DTD1: variants seen among roughly 807,000 people sequenced by gnomAD.
DTD1 encodes D-aminoacyl-tRNA deacylase 1.
In DTD1, 13 loss-of-function variants were observed where a neutral mutation model predicts 25.6. The observed-to-expected ratio is 0.51, with a 90% CI of 0.33 to 0.81. DTD1 has a LOEUF of 0.81. Ranked by LOEUF, DTD1 falls within the 30% of genes least tolerant of loss-of-function variation. The pLI is 0.02. For missense variants in DTD1, 193 were observed against 266.4 expected (o/e 0.72, Z 1.92); for synonymous variants, 110 against 103.6 (o/e 1.06, Z -0.37).
At chr20:18,662,659 C>T (rs1346356482) in intron 4 of DTD1, among the ~76,000 whole-genome samples, 3 of 152,094 alleles carry the variant, frequency 2.0e-5, no homozygotes, top group South Asian at 4.1e-4. Flanking sequence ...GAATACTGTG[C>T]GCCAGTTAAA....
chr20:18,619,576 C>T (rs1396388251), intron 3 of DTD1, among the ~76,000 whole-genome samples: 1 of 151,984 alleles, frequency 6.6e-6, no homozygotes, highest in African/African-American at 2.4e-5. Flanking sequence ...AGGTGCACAC[C>T]GCCACGCCTG....
intron 4 of DTD1, among the ~76,000 whole-genome samples, chr20:18,703,387 A>G (rs954741340): frequency 6.6e-6 from 1 of 151,924 alleles, no homozygotes; most frequent in African/African-American, 2.4e-5. Flanking sequence ...CTGGTAATCT[A>G]GGTTTCTTAA....
intron 4 of DTD1, among the ~76,000 whole-genome samples, chr20:18,635,523 G>A (rs1198093122): frequency 2.6e-5 from 4 of 152,292 alleles, no homozygotes; most frequent in Admixed American, 2.6e-4. Context: ...AGTGAGTTGG[G>A]TGTAGAGATG....
intron 4 of DTD1, among the ~76,000 whole-genome samples, chr20:18,743,562 T>C (rs1254916608): frequency 2.0e-5 from 3 of 150,172 alleles, no homozygotes; most frequent in Middle Eastern, 3.2e-3. Flanking sequence ...TAGTCACAGA[T>C]ACTTGAGAGG....
chr20:18,753,436 C>T (rs542861457), intron 5 of DTD1, among the ~76,000 whole-genome samples: 37 of 151,734 alleles, frequency 2.4e-4, no homozygotes, highest in African/African-American at 7.5e-4. Context: ...GGTGAAACCC[C>T]GTCTCTACAA....
In DTD1 at chr20:18,601,128, TG is replaced by T. The variant is rs138609755; in HGVS notation, c.370+4890del. 7.9e-3 allele frequency among the ~76,000 whole-genome samples: 1,196 copies of T among 152,312 alleles called. 8 individuals are homozygous for T. Among genetic ancestry groups the T allele is most frequent in the Middle Eastern group, 0.014 (4 of 294 alleles). On this transcript the variant is annotated intron_variant, in intron 3 of 5. Transcript: ENST00000377452. ...ATCCTTGGCTTATTTCTGCTCTTAG[TG>T]GGAAAGCTTCTAGTTTCCCACTGTT...
intron 4 of DTD1, among the ~76,000 whole-genome samples, chr20:18,687,962 C>T (rs1171630701): frequency 6.6e-6 from 1 of 152,218 alleles, no homozygotes; most frequent in Non-Finnish European, 1.5e-5. Flanking sequence ...AGCAAGGTAT[C>T]ATCGCATCCC....
chr20:18,753,782 G>A (rs140311529), intron 5 of DTD1, among the ~76,000 whole-genome samples: 186 of 152,098 alleles, frequency 1.2e-3, no homozygotes, highest in African/African-American at 4.4e-3. Flanking sequence ...ATTGCATTAA[G>A]CTTTCCATTC....
chr20:18,656,214 A>G (rs1298300984), intron 4 of DTD1, among the ~76,000 whole-genome samples: 2 of 152,222 alleles, frequency 1.3e-5, no homozygotes, highest in Admixed American at 1.3e-4. Context: ...TTTCTTCTCT[A>G]CAAATATTTT....
intron 4 of DTD1, among the ~76,000 whole-genome samples, chr20:18,636,530 G>A (rs938810430): frequency 6.6e-6 from 1 of 152,214 alleles, no homozygotes; most frequent in Non-Finnish European, 1.5e-5. Flanking sequence ...TCTACACAGA[G>A]GTGTTTGCCA....
intron 4 of DTD1, among the ~76,000 whole-genome samples, chr20:18,695,548 T>C: frequency 2.7e-5 from 1 of 37,650 alleles, no homozygotes; most frequent in Non-Finnish European, 5.5e-5. Context: ...TCCCTTCCCT[T>C]CCCTTCCCTT....
In DTD1 at chr20:18,708,231, TTTATATATATATA is replaced by T. The variant is rs2061136998; in HGVS notation, c.478-35868_478-35856del. Among the ~76,000 whole-genome samples the T allele has an allele frequency of 3.9e-4, 6 of 15,394 alleles. 1 individual carries two copies. Among genetic ancestry groups the T allele is most frequent in the Admixed American group, 2.7e-3 (3 of 1,098 alleles). 10.1% of individuals were successfully genotyped at this position (15,394 alleles called of 152,430 possible). ...TTTTATATATATAATATATATATAT[TTTATATATATATA>T]ATATATATTATATATATATTTTATA... On this transcript the variant is annotated intron_variant, in intron 4 of 5. Coordinates refer to ENST00000377452, the MANE Select transcript of DTD1 (RefSeq NM_080820.6).
chr20:18,695,567 CTCCAT>C (rs1444852152), intron 4 of DTD1, among the ~76,000 whole-genome samples: 480 of 8,036 alleles, frequency 0.06, no homozygotes, highest in Non-Finnish European at 0.11. Flanking sequence ...TTCTCTTCCC[CTCCAT>C]TCCCCTCCCC....
At chr20:18,632,513 G>T in intron 4 of DTD1, 1 of 985,392 alleles carries the variant, frequency 1.0e-6, no homozygotes, top group Non-Finnish European at 1.2e-6. Context: ...TAGCTAATTT[G>T]CTTGCTTTTG....
intron 4 of DTD1, among the ~76,000 whole-genome samples, chr20:18,695,571 A>C (rs1483450611): frequency 0.11 from 141 of 1,298 alleles, no homozygotes; most frequent in African/African-American, 0.22. Flanking sequence ...CTTCCCCTCC[A>C]TTCCCCTCCC....
At chr20:18,709,044 G>A (rs1050420676) in intron 4 of DTD1, among the ~76,000 whole-genome samples, 1 of 152,202 alleles carries the variant, frequency 6.6e-6, no homozygotes, top group Non-Finnish European at 1.5e-5. Context: ...CCTGCCTCTA[G>A]GACAACAGTG....
In DTD1 at chr20:18,657,136, C is replaced by T. The variant is rs569693745; in HGVS notation, c.477+28903C>T. Among the ~76,000 whole-genome samples, 5 of 152,192 alleles carry T rather than the reference C, an allele frequency of 3.3e-5. No individual in the cohort carries two copies. In the East Asian group the frequency reaches 7.7e-4, roughly 24 times the overall value. ...ATACTATTATAAGTAAAGGAAAAGC[C>T]GTTCTCAGGTTCCAGTTTGCACATC... is the stretch of plus-strand genomic sequence containing the variant. On this transcript the variant is annotated intron_variant, in intron 4 of 5. Transcript: ENST00000377452.
At chr20:18,589,815 A>G (rs1325376247) in intron 1 of DTD1, among the ~76,000 whole-genome samples, 3 of 152,206 alleles carry the variant, frequency 2.0e-5, no homozygotes, top group Non-Finnish European at 2.9e-5. Context: ...TCACTATTTA[A>G]GTTATATGCT....
intron 4 of DTD1, among the ~76,000 whole-genome samples, chr20:18,684,866 C>T (rs538317331): frequency 6.6e-6 from 1 of 151,964 alleles, no homozygotes; most frequent in Non-Finnish European, 1.5e-5. Flanking sequence ...AGTGACTGTG[C>T]CTGAGGGCTC....
Sources: gnomAD v4.1 joint callset for allele counts (sites outside exome capture counted in the v4.1 genomes callset) on GRCh38, gnomAD v4.1.1 for gene constraint, MANE v1.5 for transcripts, NCBI Gene and HGNC (gene_info 2026-07-23, HGNC 2026-07-21) for gene names.